The following GLIS3 variants were observed in gnomAD, a reference collection of about 807,000 sequenced individuals.
GLIS3 encodes GLIS family zinc finger 3, also known as zinc finger protein GLIS3.
Under a neutral mutation model 78.6 loss-of-function variants are expected in GLIS3, and 53 were observed. The ratio of observed to expected loss-of-function variants is 0.67; its 90% CI spans 0.54 to 0.85. GLIS3 has a LOEUF of 0.85. Ranked by LOEUF, GLIS3 falls within the 40% of genes least tolerant of loss-of-function variation. The pLI is 0.00. For synonymous variants in GLIS3, 684 were observed against 509.9 expected, an observed-to-expected ratio of 1.34 and a Z score of -4.60; for missense variants, 1,703 against 1,231.1, an observed-to-expected ratio of 1.38 and a Z score of -5.74.
chr9:4,022,297 A>G (rs41484547), intron 4 of GLIS3, among the ~76,000 whole-genome samples: 3,154 of 152,310 alleles, frequency 0.021, 120 homozygotes, highest in African/African-American at 0.072. Flanking sequence ...TTGGTTTGAT[A>G]CCTTGATGAT....
chr9:4,244,998 T>C (rs949940127), intron 2 of GLIS3, among the ~76,000 whole-genome samples: 5 of 152,234 alleles, frequency 3.3e-5, no homozygotes, highest in African/African-American at 1.2e-4. Flanking sequence ...GAAAAAATGA[T>C]TGATGTAGAC....
intron 2 of GLIS3, among the ~76,000 whole-genome samples, chr9:4,145,601 C>A (rs1458549087): frequency 6.6e-6 from 1 of 152,166 alleles, no homozygotes; most frequent in Non-Finnish European, 1.5e-5. Context: ...GAGGCATGAA[C>A]ACCGACTTTT....
the GLIS3 span, among the ~76,000 whole-genome samples, chr9:4,389,691 A>G: frequency 6.6e-6 from 1 of 152,220 alleles, no homozygotes. Context: ...GCCATATTAC[A>G]AAAACACCTG....
At chr9:4,253,633 C>A (rs1313298956) in intron 2 of GLIS3, among the ~76,000 whole-genome samples, 8 of 152,136 alleles carry the variant, frequency 5.3e-5, no homozygotes, top group African/African-American at 1.7e-4. Flanking sequence ...GTCTCGCTAG[C>A]GTTCCATGTG....
At chr9:4,354,788 T>A in the GLIS3 span, among the ~76,000 whole-genome samples, 1 of 151,946 alleles carries the variant, frequency 6.6e-6, no homozygotes, top group Non-Finnish European at 1.5e-5. Context: ...CCTCAAAGAG[T>A]CATTCCTTTG....
intron 2 of GLIS3, among the ~76,000 whole-genome samples, chr9:4,193,538 A>T (rs1818520959): frequency 6.6e-6 from 1 of 152,234 alleles, no homozygotes; most frequent in African/African-American, 2.4e-5. Context: ...TGAGAAAATG[A>T]CACACGGCTT....
At chr9:4,458,116 T>C in the GLIS3 span, among the ~76,000 whole-genome samples, 1 of 152,030 alleles carries the variant, frequency 6.6e-6, no homozygotes, top group South Asian at 2.1e-4. Flanking sequence ...CCAGAACTCA[T>C]CTTCCCTACC....
chr9:4,174,575 C>G (rs1015591032), intron 2 of GLIS3, among the ~76,000 whole-genome samples: 1 of 152,154 alleles, frequency 6.6e-6, no homozygotes, highest in Non-Finnish European at 1.5e-5. Flanking sequence ...AATCAATTAT[C>G]TAACTGACAT....
intron 4 of GLIS3, among the ~76,000 whole-genome samples, chr9:4,077,094 CTTAT>C (rs141587183): frequency 0.16 from 24,881 of 151,854 alleles, 3,790 homozygotes; most frequent in African/African-American, 0.39. Flanking sequence ...CAATTTTCTT[CTTAT>C]TTGTCATTGA....
rs116833494 is a variant in GLIS3 at position 3,852,498 on chromosome 9, G to A, written c.2473+3511C>T. On this transcript the variant is annotated intron_variant, in intron 9 of 10. Transcript: ENST00000381971. ...GATGCTGTACAACTCCAGCAAACTC[G>A]TCCAACAAAAGCTGAAAGGCATGAT... Among the ~76,000 whole-genome samples, 1,161 of 152,262 alleles carry A rather than the reference G, an allele frequency of 7.6e-3. 21 individuals carry two copies. Among genetic ancestry groups the A allele is most frequent in the African/African-American group, 0.026 (1,061 of 41,530 alleles).
At chr9:3,948,514 G>T (rs1816449314) in intron 4 of GLIS3, among the ~76,000 whole-genome samples, 1 of 152,014 alleles carries the variant, frequency 6.6e-6, no homozygotes, top group Non-Finnish European at 1.5e-5. Flanking sequence ...AAATACCTTG[G>T]CTCAGAATTG....
intron 9 of GLIS3, among the ~76,000 whole-genome samples, chr9:3,847,978 G>A (rs1819161894): frequency 6.6e-6 from 1 of 152,076 alleles, no homozygotes; most frequent in African/African-American, 2.4e-5. Flanking sequence ...TTCACTCATC[G>A]GCTCATTTCT....
the GLIS3 span, among the ~76,000 whole-genome samples, chr9:4,366,956 T>TCCAGCAGAAAGACATCCATC: frequency 6.6e-6 from 1 of 151,816 alleles, no homozygotes; most frequent in Non-Finnish European, 1.5e-5. Flanking sequence ...TCTGCCACTT[T>TCCAGCAGAAAGACATCCATC]CCAGCAGAAA....
the GLIS3 span, among the ~76,000 whole-genome samples, chr9:4,373,708 G>A: frequency 4.1e-5 from 6 of 145,242 alleles, no homozygotes; most frequent in Non-Finnish European, 3.0e-5. Context: ...TGCTCTTGTC[G>A]CCCAGGCTGT....
chr9:3,998,352 T>C (rs1820885307), intron 4 of GLIS3, among the ~76,000 whole-genome samples: 1 of 152,154 alleles, frequency 6.6e-6, no homozygotes, highest in Non-Finnish European at 1.5e-5. Context: ...ATATATTATC[T>C]GAAATCACCA....
At chr9:4,159,980 A>C (rs973421906) in intron 2 of GLIS3, among the ~76,000 whole-genome samples, 1 of 152,222 alleles carries the variant, frequency 6.6e-6, no homozygotes, top group Non-Finnish European at 1.5e-5. Context: ...GTTAGTATTA[A>C]TATCATCATT....
In GLIS3 at chr9:4,009,568, C is replaced by T. The variant is rs559797444; in HGVS notation, c.1711-72379G>A. ...GAGGCAGCAGCACATTCCTGCTGGC[C>T]AGGTGGTTGGGGCCATGGTTAGAGC... On this transcript the variant is annotated intron_variant, in intron 4 of 10. Transcript: ENST00000381971. Among the ~76,000 whole-genome samples the T allele has an allele frequency of 1.8e-3, 274 of 152,290 alleles. 1 individual carries two copies. Among genetic ancestry groups the T allele is most frequent in the Non-Finnish European group, 2.3e-3 (158 of 68,030 alleles).
Position 4,031,304 on chromosome 9 carries a change from T to C in GLIS3, c.1710+86464A>G, listed in dbSNP as rs185951796. The stretch of plus-strand genomic sequence containing the variant: ...TACATGCAATGGAATATTATTCAGC[T>C]ATAAAAAATGAATGAGGCACTGATA... On this transcript the variant is annotated intron_variant, in intron 4 of 10. Coordinates refer to ENST00000381971, the MANE Select transcript of GLIS3 (RefSeq NM_001042413.2). 2.1e-3 allele frequency among the ~76,000 whole-genome samples: 315 copies of C among 152,282 alleles called. 1 individual carries two copies. The highest frequency in any genetic ancestry group is 7.3e-3 in the African/African-American group (303 of 41,592).
intron 2 of GLIS3, among the ~76,000 whole-genome samples, chr9:4,136,000 T>C (rs1054118598): frequency 2.0e-5 from 3 of 152,154 alleles, no homozygotes; most frequent in Admixed American, 1.3e-4. Flanking sequence ...TACTCTGAAA[T>C]ACAGTAAGGC....
Sources: gnomAD v4.1 joint callset for allele counts (sites outside exome capture counted in the v4.1 genomes callset) on GRCh38, gnomAD v4.1.1 for gene constraint, MANE v1.5 for transcripts, NCBI Gene and HGNC (gene_info 2026-07-23, HGNC 2026-07-21) for gene names.